Variants in LRRIQ1 observed in about 807,000 individuals in gnomAD.
The protein encoded by LRRIQ1 is leucine rich repeats and IQ motif containing 1.
In LRRIQ1, 210 loss-of-function variants were observed where a neutral mutation model predicts 211.9. The ratio of observed to expected loss-of-function variants is 0.99; its 90% CI spans 0.89 to 1.11. The LOEUF is 1.11. Ranked by LOEUF, LRRIQ1 falls within the 50% of genes most tolerant of loss-of-function variation. LRRIQ1 has a pLI of 0.00. For synonymous variants in LRRIQ1, 699 were observed against 650.1 expected, an observed-to-expected ratio of 1.08 and a Z score of -1.14; for missense variants, 2,136 against 1,939.5, an observed-to-expected ratio of 1.10 and a Z score of -1.90.
downstream of LRRIQ1, among the ~76,000 whole-genome samples, chr12:85,267,679 T>C (rs990193855): frequency 5.9e-5 from 9 of 152,032 alleles, no homozygotes; most frequent in Non-Finnish European, 1.3e-4. Context: ...CCATGGATTT[T>C]CTGTTAACTT....
chr12:85,190,318 A>G (rs2136933912), intron 24 of LRRIQ1, among the ~76,000 whole-genome samples: 1 of 144,580 alleles, frequency 6.9e-6, no homozygotes, highest in African/African-American at 2.5e-5. Context: ...CTGTAACTAT[A>G]CAGTTAAAAA....
chr12:85,236,920 A>T (rs1431438609), intron 26 of LRRIQ1, among the ~76,000 whole-genome samples: 1 of 147,644 alleles, frequency 6.8e-6, no homozygotes, highest in Non-Finnish European at 1.5e-5. Flanking sequence ...TTGCTGTATT[A>T]TTTATACACA....
At chr12:85,052,373 A>G (rs1289272114) in intron 7 of LRRIQ1, 122 bp downstream of exon 7, 3 of 478,796 alleles carry the variant, frequency 6.3e-6, no homozygotes, top group Non-Finnish European at 1.1e-5. Flanking sequence ...AGTTTATTAC[A>G]GCATTAAAAA....
At chr12:85,090,728 G>A (rs945756433) in intron 11 of LRRIQ1, among the ~76,000 whole-genome samples, 1 of 152,172 alleles carries the variant, frequency 6.6e-6, no homozygotes, top group African/African-American at 2.4e-5. Flanking sequence ...AGACACATAG[G>A]TGGAAGGGAC....
chr12:85,194,710 A>G (rs1315888441), intron 24 of LRRIQ1, among the ~76,000 whole-genome samples: 5 of 152,166 alleles, frequency 3.3e-5, no homozygotes, highest in Admixed American at 3.3e-4. Flanking sequence ...AGTGCCCACA[A>G]GAGAAAGCAG....
At chr12:85,129,708 G>A (rs1421862661) in intron 18 of LRRIQ1, among the ~76,000 whole-genome samples, 3 of 152,174 alleles carry the variant, frequency 2.0e-5, no homozygotes, top group South Asian at 2.1e-4. Context: ...AGAGGCCAGT[G>A]TGACTAGAGA....
chr12:85,157,314 T>C (rs1233236251), intron 23 of LRRIQ1, among the ~76,000 whole-genome samples: 1 of 151,744 alleles, frequency 6.6e-6, no homozygotes, highest in Non-Finnish European at 1.5e-5. Context: ...AGAGGAGGAA[T>C]TGATTGAAAG....
At chr12:85,271,081 A>G in the LRRIQ1 span, among the ~76,000 whole-genome samples, 348 of 152,322 alleles carry the variant, frequency 2.3e-3, 3 homozygotes, top group African/African-American at 7.9e-3. Flanking sequence ...GGCAAAATAT[A>G]AGAAGTTATT....
intron 24 of LRRIQ1, among the ~76,000 whole-genome samples, chr12:85,217,636 GTA>G (rs201671958): frequency 0.14 from 18,690 of 137,778 alleles, 2,911 homozygotes; most frequent in African/African-American, 0.39. Context: ...ATGTATATAT[GTA>G]TATATATGTG....
chr12:85,164,268 T>C (rs2136757011), intron 24 of LRRIQ1, among the ~76,000 whole-genome samples: 1 of 152,326 alleles, frequency 6.6e-6, no homozygotes, highest in Middle Eastern at 3.4e-3. Context: ...AGAACAAGCA[T>C]AGCTTAATGG....
the LRRIQ1 span, among the ~76,000 whole-genome samples, chr12:85,269,613 A>G: frequency 6.6e-6 from 1 of 151,966 alleles, no homozygotes; most frequent in African/African-American, 2.4e-5. Context: ...TACTTTCCTC[A>G]CAAGAATATT....
chr12:85,238,549 A>G (rs999891724), intron 26 of LRRIQ1, among the ~76,000 whole-genome samples: 1 of 152,126 alleles, frequency 6.6e-6, no homozygotes, highest in South Asian at 2.1e-4. Flanking sequence ...ACAAATATTG[A>G]CATCCAGAAG....
chr12:85,268,620 A>G (rs1436139749), downstream of LRRIQ1, among the ~76,000 whole-genome samples: 1 of 151,964 alleles, frequency 6.6e-6, no homozygotes, highest in East Asian at 1.9e-4. Flanking sequence ...AAGAAAAATA[A>G]AATACATAAA....
At chr12:85,200,481 A>G (rs1485765439) in intron 24 of LRRIQ1, among the ~76,000 whole-genome samples, 1 of 152,114 alleles carries the variant, frequency 6.6e-6, no homozygotes, top group Admixed American at 6.6e-5. Flanking sequence ...CCTGACCATG[A>G]CTTCCAGTAC....
At position 85,057,194 on chromosome 12, in the gene LRRIQ1, A is replaced by C. The variant is rs1171935746; in HGVS notation, c.2391+10A>C. The C allele has an allele frequency of 1.5e-6, 2 of 1,372,434 alleles. No homozygotes were observed. Among genetic ancestry groups the C allele is most frequent in the East Asian group, 5.1e-5 (2 of 39,396 alleles). 85.0% of individuals were successfully genotyped at this position (1,372,434 alleles called of 1,614,324 possible). On this transcript the variant is annotated intron_variant, in intron 8 of 26. Transcript: ENST00000393217. ...GGATACTTTACAGCAGGTATTTCTA[A>C]TTTTATAATAATTTTTCACATTTAA...
chr12:85,173,389 C>T lies in LRRIQ1; in HGVS notation c.4822+12675C>T, dbSNP rs1471149524. On this transcript the variant is annotated intron_variant, in intron 24 of 26. Coordinates refer to ENST00000393217, the MANE Select transcript of LRRIQ1 (RefSeq NM_001079910.2). ...ATATATGTGTCCTAGTGAGCTCATG[C>T]TCCCATAACAAAATACCATAGTCTG... is the stretch of plus-strand genomic sequence containing the variant. Among the ~76,000 whole-genome samples the T allele has an allele frequency of 2.0e-5, 3 of 152,128 alleles. No homozygotes were observed. The East Asian group carries it at 5.8e-4, about 29-fold the overall frequency.
At chr12:85,164,193 C>CT (rs1356745910) in intron 24 of LRRIQ1, among the ~76,000 whole-genome samples, 2 of 151,928 alleles carry the variant, frequency 1.3e-5, no homozygotes, top group South Asian at 2.1e-4. Context: ...AGCCAAGTTT[C>CT]TTTTTTTTCT....
Position 85,056,959 on chromosome 12 carries a change from T to C in LRRIQ1, c.2166T>C (p.Pro722=). 1 of 1,612,070 alleles carries C rather than the reference T, an allele frequency of 6.2e-7. No homozygotes were observed. The highest frequency in any genetic ancestry group is 8.5e-7 in the Non-Finnish European group (1 of 1,179,108). ...SEKCHENAPE[P]DSMTCCVSES... ...AATGCCATGAAAATGCACCTGAACC[T>C]GATAGCATGACCTGCTGTGTATCAG... The change falls in exon 8 of 27, where the codon CCT becomes CCC. Residue 722 remains proline (P), a synonymous_variant. Transcript: ENST00000393217.
intron 10 of LRRIQ1, among the ~76,000 whole-genome samples, chr12:85,068,806 G>A (rs1403523862): frequency 2.0e-5 from 3 of 149,172 alleles, no homozygotes; most frequent in East Asian, 3.9e-4. Context: ...TTCCCATTCC[G>A]TTGATTTGTT....
Sources: allele counts gnomAD v4.1 joint callset (sites outside exome capture counted in the v4.1 genomes callset), GRCh38; gene constraint gnomAD v4.1.1; transcripts MANE v1.5; gene names NCBI Gene and HGNC (gene_info 2026-07-23, HGNC 2026-07-21).